IL12RB1: variants seen among roughly 807,000 people sequenced by gnomAD.
IL12RB1 encodes interleukin-12 receptor subunit beta-1.
Under a neutral mutation model 94.4 loss-of-function variants are expected in IL12RB1, and 64 were observed. The ratio of observed to expected loss-of-function variants is 0.68; its 90% CI spans 0.55 to 0.83. The LOEUF is 0.83. Among genes scored for constraint, IL12RB1 ranks in the 40% least tolerant of loss-of-function variants. The pLI, the probability that IL12RB1 is intolerant of heterozygous loss-of-function variation, is 0.00. For synonymous variants in IL12RB1, 362 were observed against 355.5 expected, an observed-to-expected ratio of 1.02 and a Z score of -0.21; for missense variants, 814 against 855.6, an observed-to-expected ratio of 0.95 and a Z score of 0.61.
chr19:18,065,983 G>T (rs2034550860), intron 12 of IL12RB1, among the ~76,000 whole-genome samples: 1 of 150,570 alleles, frequency 6.6e-6, no homozygotes, highest in South Asian at 2.1e-4. Flanking sequence ...AGGCTGCTGT[G>T]AGCTATGATG....
intron 12 of IL12RB1, among the ~76,000 whole-genome samples, chr19:18,065,109 G>A (rs1599461840): frequency 6.6e-6 from 1 of 152,104 alleles, no homozygotes; most frequent in Non-Finnish European, 1.5e-5. Flanking sequence ...CACTCTGCAA[G>A]GAGCAGGACT....
chr19:18,069,553 A>C lies in IL12RB1; in HGVS notation c.1182T>G (p.Ala394=). 2 of 1,608,324 alleles carry C rather than the reference A, an allele frequency of 1.2e-6. No individual in the cohort carries two copies. The highest frequency in any genetic ancestry group is 1.1e-5 in the South Asian group (1 of 90,990). Residue 394 remains alanine, a synonymous_variant, in exon 10 of 17, where the codon GCT becomes GCG. Transcript: ENST00000593993. ...SLTAPQDPDP[A]GMATYSWSRE... is the part of the protein sequence containing the mutation. ...GCCATTCCAGGCCATTACCCATTCC[A>C]GCCGGATCCGGGTCTTGCGGCGCAG... is the stretch of plus-strand genomic sequence containing the variant.
chr19:18,083,326 G>C (rs1035645476), intron 2 of IL12RB1, 106 bp downstream of exon 2: 2 of 1,050,704 alleles, frequency 1.9e-6, no homozygotes, highest in African/African-American at 3.1e-5. Flanking sequence ...CACAGGCAGG[G>C]CTGGGTCTTT....
chr19:18,096,633 G>A (rs417471), intron 1 of IL12RB1, among the ~76,000 whole-genome samples: 6,294 of 151,040 alleles, frequency 0.042, 436 homozygotes, highest in African/African-American at 0.15. Flanking sequence ...CCAGGAGTTC[G>A]AGACAAGCCT....
chr19:18,063,729 G>A (rs1405603842), intron 13 of IL12RB1, 147 bp downstream of exon 13: 1 of 661,416 alleles, frequency 1.5e-6, no homozygotes, highest in Non-Finnish European at 2.5e-6. Context: ...AGAAGGCAAT[G>A]GGAGCAGTTT....
Position 18,080,993 on chromosome 19 carries a change from G to T in IL12RB1, c.248C>A (p.Ser83Tyr), listed in dbSNP as rs1477691936. Residue 83 changes from serine to tyrosine, a missense_variant, in exon 4 of 17, where the codon TCC becomes TAC. Ser to Tyr is a moderately radical substitution (Grantham distance 144). Transcript: ENST00000593993. The stretch of plus-strand genomic sequence containing the variant: ...GGCGGCGAAGTAGCAGCAGCGCCCG[G>T]AGCTAAGGCTGCAGCAGGAAGGAGG... ...VSHFLRCCLS[S>Y]GRCCYFAAGS... 6.2e-7 allele frequency: 1 copy of T among 1,612,104 alleles called. No individual in the cohort carries two copies.
intron 4 of IL12RB1, among the ~76,000 whole-genome samples, chr19:18,078,545 G>A (rs898732087): frequency 6.8e-6 from 1 of 147,124 alleles, no homozygotes. Flanking sequence ...GGGCACTTTT[G>A]TAAATTGCTT....
intron 9 of IL12RB1, chr19:18,071,209 C>G (rs1259847931): frequency 5.2e-6 from 2 of 384,698 alleles, no homozygotes; most frequent in South Asian, 3.9e-5. Context: ...CCCGTCTCTA[C>G]TAAAAATACA....
Position 18,059,279 on chromosome 19 carries a change from A to G in IL12RB1, c.*329T>C. ...GCCCTTGAGTCCAGACTCCCCATCC[A>G]GTGCTCCTGGGGGTGGATGCCCAGC... On this transcript the variant is annotated 3_prime_UTR_variant, in exon 17 of 17. Transcript: ENST00000593993. 1.3e-5 allele frequency: 6 copies of G among 459,606 alleles called. No homozygotes were observed. Among genetic ancestry groups the G allele is most frequent in the Non-Finnish European group, 2.4e-5 (6 of 249,262 alleles). 28.5% of individuals were successfully genotyped at this position (459,606 alleles called of 1,614,324 possible). A position where few individuals can be genotyped will look rare whatever the true frequency, so the allele number is the denominator to read the frequency against.
chr19:18,088,671 G>A (rs940872905), upstream of IL12RB1, among the ~76,000 whole-genome samples: 23 of 151,786 alleles, frequency 1.5e-4, no homozygotes, highest in Admixed American at 3.3e-4. Context: ...CCCCACTGTC[G>A]GCAAAGCCTC....
At chr19:18,088,165 A>T (rs970350698), upstream of IL12RB1, among the ~76,000 whole-genome samples, 3 of 151,998 alleles carry the variant, frequency 2.0e-5, no homozygotes, top group Non-Finnish European at 4.4e-5. Context: ...AGGCAGGTGG[A>T]TCACGAGGTC....
intron 2 of IL12RB1, 151 bp from the exon 3 acceptor site, chr19:18,082,415 C>A (rs1371683626): frequency 1.5e-6 from 1 of 678,108 alleles, no homozygotes; most frequent in Non-Finnish European, 2.7e-6. Context: ...CCGTCTCTCA[C>A]CTCAACCTAT....
upstream of IL12RB1, among the ~76,000 whole-genome samples, chr19:18,089,397 G>C (rs2036533849): frequency 6.6e-6 from 1 of 152,110 alleles, no homozygotes; most frequent in African/African-American, 2.4e-5. Context: ...GGCCGAGCCA[G>C]GTGGATCATT....
In IL12RB1 at chr19:18,086,857, G is replaced by C; in HGVS notation, c.-34C>G. On this transcript the variant is annotated 5_prime_UTR_variant, in exon 1 of 17. Transcript: ENST00000593993. ...CGTAGAGCCCCACAGCCCCAGGGGA[G>C]CCTCTCTGCCACCTGCGAGGTTCAG... 6.3e-7 allele frequency: 1 copy of C among 1,597,134 alleles called. No individual in the cohort carries two copies. The highest frequency in any genetic ancestry group is 1.1e-5 in the South Asian group (1 of 88,786).
At chr19:18,093,059 C>A (rs1317093279) in intron 1 of IL12RB1, among the ~76,000 whole-genome samples, 2 of 151,792 alleles carry the variant, frequency 1.3e-5, no homozygotes, top group Non-Finnish European at 2.9e-5. Flanking sequence ...AATCCTAGCA[C>A]TTTGGGAGGC....
intron 4 of IL12RB1, among the ~76,000 whole-genome samples, chr19:18,078,657 G>A (rs963020525): frequency 2.6e-5 from 4 of 151,890 alleles, no homozygotes; most frequent in African/African-American, 9.7e-5. Context: ...TTATAGGCAT[G>A]AGCCACTGTG....
chr19:18,059,781 G>A (rs1005627741), intron 16 of IL12RB1, 113 bp downstream of exon 16: 44 of 733,398 alleles, frequency 6.0e-5, no homozygotes, highest in East Asian at 1.1e-4. Flanking sequence ...GGATGTTTTC[G>A]TTTCTCCCTC....
chr19:18,066,077 T>C (rs1334061608), intron 12 of IL12RB1, among the ~76,000 whole-genome samples: 1 of 151,132 alleles, frequency 6.6e-6, no homozygotes, highest in African/African-American at 2.4e-5. Flanking sequence ...TCAAGTCTAA[T>C]TCTCTTGTTT....
At chr19:18,074,433 C>G (rs1280956863) in intron 7 of IL12RB1, among the ~76,000 whole-genome samples, 2 of 152,140 alleles carry the variant, frequency 1.3e-5, no homozygotes, top group Admixed American at 6.6e-5. Context: ...GAGGTTCAGC[C>G]TGATGATTCT....
Sources: gnomAD v4.1 joint callset for allele counts (sites outside exome capture counted in the v4.1 genomes callset) on GRCh38, gnomAD v4.1.1 for gene constraint, MANE v1.5 for transcripts, NCBI Gene and HGNC (gene_info 2026-07-23, HGNC 2026-07-21) for gene names.